Variants in LNX1 observed in about 807,000 individuals in gnomAD.
The protein encoded by LNX1 is ligand of numb-protein X 1.
A neutral mutation model predicts 68.4 loss-of-function variants in LNX1; 54 were observed. The ratio of observed to expected loss-of-function variants is 0.79; its 90% CI spans 0.63 to 0.99. The LOEUF (loss-of-function observed/expected upper bound fraction) is 0.99, where lower values mean the gene tolerates loss of function less well. Among genes scored for constraint, LNX1 ranks in the 50% least tolerant of loss-of-function variants. The pLI, the probability that LNX1 is intolerant of heterozygous loss-of-function variation, is 0.00. For synonymous variants in LNX1, 336 were observed against 350.0 expected (o/e 0.96, Z 0.45); for missense variants, 906 against 926.4 (o/e 0.98, Z 0.29).
At chr4:53,635,982 A>G (rs1734457683) in intron 1 of LNX1, among the ~76,000 whole-genome samples, 1 of 152,158 alleles carries the variant, frequency 6.6e-6, no homozygotes, top group Non-Finnish European at 1.5e-5. Context: ...ATTAGGCTCC[A>G]CTTCTGGCCC....
rs944144952 is a variant in LNX1 at position 53,496,053 on chromosome 4, G to A, written c.1320C>T (p.Gly440=). 5 of 1,613,864 alleles carry A rather than the reference G, an allele frequency of 3.1e-6. No individual in the cohort carries two copies. Among genetic ancestry groups the A allele is most frequent in the Non-Finnish European group, 4.2e-6 (5 of 1,179,808 alleles). The change falls in exon 6 of 11, where the codon GGC becomes GGT. Residue 440 remains glycine (G), a synonymous_variant. Coordinates refer to ENST00000263925, the MANE Select transcript of LNX1 (RefSeq NM_001126328.3). Reference sequence around the variant, plus strand: ...TCAGATGAGCCGCACTTTCTGGGCTGCCATATCGAAGATCATGTCCATTGA... The same window carrying A: ...TCAGATGAGCCGCACTTTCTGGGCTACCATATCGAAGATCATGTCCATTGA... ...LAINGHDLRY[G]SPESAAHLIQ...
chr4:53,624,873 T>C (rs1431020255), intron 1 of LNX1, among the ~76,000 whole-genome samples: 1 of 152,236 alleles, frequency 6.6e-6, no homozygotes, highest in African/African-American at 2.4e-5. Context: ...TTATTTAAGA[T>C]TCCAGAATTT....
intron 2 of LNX1, among the ~76,000 whole-genome samples, chr4:53,613,412 A>T (rs1246679098): frequency 6.6e-6 from 1 of 152,014 alleles, no homozygotes; most frequent in Non-Finnish European, 1.5e-5. Context: ...TTACATAGTA[A>T]ACATGTGTCA....
rs1579328879 is a variant in LNX1 at position 53,460,791 on chromosome 4, T to C, written c.*116A>G. ...TTTCATTAGATGATCATACTTTTCC[T>C]GACATTTTTACAATGTATTCTTTCT... On this transcript the variant is annotated 3_prime_UTR_variant, in exon 11 of 11. Transcript: ENST00000263925. 1 of 1,080,284 alleles carries C rather than the reference T, an allele frequency of 9.3e-7. No individual in the cohort carries two copies. The allele number at this position is 1,080,284 out of a possible 1,614,324, so 66.9% of individuals were successfully genotyped here.
chr4:53,632,532 C>T (rs1465158046), intron 1 of LNX1, among the ~76,000 whole-genome samples: 2 of 152,214 alleles, frequency 1.3e-5, no homozygotes, highest in African/African-American at 4.8e-5. Flanking sequence ...TGCCTCATGG[C>T]AGGATGAATT....
At chr4:53,617,670 T>C (rs1423071233), upstream of LNX1, among the ~76,000 whole-genome samples, 2 of 152,222 alleles carry the variant, frequency 1.3e-5, no homozygotes, top group Non-Finnish European at 2.9e-5. Context: ...ATGTGTGCAC[T>C]GTAAATGTCT....
intron 9 of LNX1, among the ~76,000 whole-genome samples, chr4:53,472,703 A>AAAAC (rs1723307374): frequency 1.5e-5 from 2 of 131,586 alleles, no homozygotes; most frequent in African/African-American, 5.2e-5. Context: ...AAAAAAACAA[A>AAAAC]AAACAATGGG....
chr4:53,482,184 C>CT (rs1723960450), intron 6 of LNX1, among the ~76,000 whole-genome samples: 1 of 152,148 alleles, frequency 6.6e-6, no homozygotes, highest in African/African-American at 2.4e-5. Context: ...GCCCTAAGTT[C>CT]TTCCCAGATA....
At chr4:53,647,816 T>C (rs1409882368) in intron 1 of LNX1, among the ~76,000 whole-genome samples, 1 of 152,258 alleles carries the variant, frequency 6.6e-6, no homozygotes, top group Non-Finnish European at 1.5e-5. Flanking sequence ...TCTGTCTCTA[T>C]GAATTTGACT....
chr4:53,538,487 T>C (rs1419845065), intron 2 of LNX1, among the ~76,000 whole-genome samples: 2 of 152,200 alleles, frequency 1.3e-5, no homozygotes, highest in Admixed American at 6.5e-5. Flanking sequence ...CTTTTTTGAA[T>C]GCATGAGGGT....
At chr4:53,561,639 G>A (rs1202028214) in intron 2 of LNX1, among the ~76,000 whole-genome samples, 1 of 152,204 alleles carries the variant, frequency 6.6e-6, no homozygotes, top group African/African-American at 2.4e-5. Flanking sequence ...ATCCAGGTTA[G>A]ACCTTTGGAG....
At chr4:53,523,926 A>G (rs1167683552) in intron 2 of LNX1, among the ~76,000 whole-genome samples, 1 of 152,228 alleles carries the variant, frequency 6.6e-6, no homozygotes, top group East Asian at 1.9e-4. Context: ...TGATTAGGAT[A>G]CTGAGAACTT....
chr4:53,639,605 T>A (rs1174979042), intron 1 of LNX1, among the ~76,000 whole-genome samples: 2 of 152,230 alleles, frequency 1.3e-5, no homozygotes, highest in Non-Finnish European at 2.9e-5. Flanking sequence ...CCCAACTTCA[T>A]TCTTGCTAAG....
intron 1 of LNX1, among the ~76,000 whole-genome samples, chr4:53,584,199 G>T (rs933460398): frequency 6.6e-6 from 1 of 152,062 alleles, no homozygotes; most frequent in Non-Finnish European, 1.5e-5. Context: ...TTTACAGAGG[G>T]AAGGACAAGA....
chr4:53,507,857 G>A (rs957289639), intron 3 of LNX1, 129 bp downstream of exon 3: 1 of 1,241,292 alleles, frequency 8.1e-7, no homozygotes, highest in Non-Finnish European at 1.1e-6. Flanking sequence ...TGGACATTGG[G>A]TTCCTGCCAA....
chr4:53,628,715 G>A (rs1164683141), intron 1 of LNX1, among the ~76,000 whole-genome samples: 2 of 151,934 alleles, frequency 1.3e-5, no homozygotes, highest in African/African-American at 4.9e-5. Context: ...GCAGAGATAT[G>A]GAACCAACCT....
At chr4:53,600,725 T>C (rs1246336332) in intron 2 of LNX1, among the ~76,000 whole-genome samples, 1 of 151,358 alleles carries the variant, frequency 6.6e-6, no homozygotes, top group Non-Finnish European at 1.5e-5. Context: ...TATTTTTATT[T>C]TTATTTTTAT....
intron 2 of LNX1, among the ~76,000 whole-genome samples, chr4:53,611,290 C>G (rs1440012524): frequency 6.6e-6 from 1 of 151,834 alleles, no homozygotes; most frequent in Non-Finnish European, 1.5e-5. Context: ...AAAGAAAATG[C>G]ACAACAAAGT....
rs144506643 is a variant in LNX1 at position 53,601,994 on chromosome 4, A to G, written c.-214-10479T>C. Among the ~76,000 whole-genome samples the G allele has an allele frequency of 1.2e-3, 182 of 152,282 alleles. 2 individuals carry two copies. The highest frequency in any genetic ancestry group is 2.3e-3 in the South Asian group (11 of 4,816). ...GCTCACGTGACTGACTTCTCCAGTC[A>G]GCACCATTGTCCTCCCCTGGAAATG... On this transcript the variant is annotated intron_variant, in intron 2 of 3. Transcript: ENST00000504299.
Sources: allele counts gnomAD v4.1 joint callset (sites outside exome capture counted in the v4.1 genomes callset), GRCh38; gene constraint gnomAD v4.1.1; transcripts MANE v1.5; gene names NCBI Gene and HGNC (gene_info 2026-07-23, HGNC 2026-07-21).